The following SMAD4 variants were observed in gnomAD, a reference collection of about 807,000 sequenced individuals.
The protein encoded by SMAD4 is MAD homolog 4.
Under a neutral mutation model 63.2 loss-of-function variants are expected in SMAD4, and 7 were observed. The observed-to-expected ratio is 0.11, with a 90% CI of 0.06 to 0.21. The LOEUF (loss-of-function observed/expected upper bound fraction) is 0.21, where lower values mean the gene tolerates loss of function less well. Among genes scored for constraint, SMAD4 ranks in the 10% least tolerant of loss-of-function variants. The pLI, the probability that SMAD4 is intolerant of heterozygous loss-of-function variation, is 1.00. For missense variants in SMAD4, 312 were observed against 693.8 expected, an observed-to-expected ratio of 0.45 and a Z score of 6.18; for synonymous variants, 215 against 235.4, an observed-to-expected ratio of 0.91 and a Z score of 0.79.
Position 51,037,921 on chromosome 18 carries a change from A to G in SMAD4, c.-128+7298A>G, listed in dbSNP as rs535482992. ...AGATTTTTGGGAAACTCCTGTCACT[A>G]TGACTTGCCAGTTTCTTAATACTTA... On this transcript the variant is annotated intron_variant, in intron 1 of 11. Transcript: ENST00000342988. Among the ~76,000 whole-genome samples, 8 of 152,270 alleles carry G rather than the reference A, an allele frequency of 5.3e-5. No individual in the cohort carries two copies. The East Asian group carries it at 1.5e-3, about 29-fold the overall frequency.
rs142181468 is a variant in SMAD4, at chr18:51,034,787, C to T, written c.-128+4164C>T. On this transcript the variant is annotated intron_variant, in intron 1 of 11. Transcript: ENST00000342988. Reference sequence around the variant, plus strand: ...TCTTGAACTCTTGGGTTCAAGTGATCGTCCCACCTCGACCTCCCAAAGTGC... The same window carrying T: ...TCTTGAACTCTTGGGTTCAAGTGATTGTCCCACCTCGACCTCCCAAAGTGC... Among the ~76,000 whole-genome samples the T allele has an allele frequency of 3.5e-3, 526 of 152,114 alleles. 6 individuals are homozygous for T. In the East Asian group the frequency reaches 0.041, roughly 12 times the overall value.
intron 3 of SMAD4, 58 bp from the exon 4 acceptor site, chr18:51,049,236 GA>G: frequency 7.9e-7 from 1 of 1,263,262 alleles, no homozygotes; most frequent in Non-Finnish European, 1.2e-6. Context: ...TTTTTAAATG[GA>G]AAATACTTTC....
At chr18:51,068,078 C>G (rs1251751523) in intron 10 of SMAD4, among the ~76,000 whole-genome samples, 1 of 152,148 alleles carries the variant, frequency 6.6e-6, no homozygotes, top group East Asian at 1.9e-4. Context: ...TGTCTCATAA[C>G]TTATTACCAG....
chr18:51,039,553 C>T (rs949111187), intron 1 of SMAD4, among the ~76,000 whole-genome samples: 1 of 138,062 alleles, frequency 7.2e-6, no homozygotes, highest in East Asian at 2.3e-4. Flanking sequence ...ACTTGCCTGC[C>T]TTGCGTTCTT....
intron 10 of SMAD4, among the ~76,000 whole-genome samples, chr18:51,069,667 A>G (rs1040955851): frequency 8.5e-5 from 13 of 152,170 alleles, no homozygotes; most frequent in African/African-American, 2.7e-4. Flanking sequence ...TTCTGCAGGT[A>G]TGCTTGGGGC....
intron 10 of SMAD4, among the ~76,000 whole-genome samples, chr18:51,073,484 G>A (rs1197036819): frequency 6.9e-6 from 1 of 143,932 alleles, no homozygotes; most frequent in African/African-American, 2.6e-5. Flanking sequence ...AGACCTAAAT[G>A]TAAAACACAA....
chr18:51,074,212 C>CAAAAA (rs533055652), intron 10 of SMAD4, among the ~76,000 whole-genome samples: 1 of 88,116 alleles, frequency 1.1e-5, no homozygotes, highest in African/African-American at 4.3e-5. Flanking sequence ...TCATCTCTAC[C>CAAAAA]AAAAAAAAAA....
Position 51,079,046 on chromosome 18 carries a change from G to T in SMAD4, c.*579G>T, listed in dbSNP as rs1013268028. 2 of 233,212 alleles carry T rather than the reference G, an allele frequency of 8.6e-6. No individual in the cohort carries two copies. The highest frequency in any genetic ancestry group is 1.7e-5 in the Non-Finnish European group (2 of 117,966). 14.4% of individuals were successfully genotyped at this position (233,212 alleles called of 1,614,324 possible). A position where few individuals can be genotyped will look rare whatever the true frequency, so the allele number is the denominator to read the frequency against. Reference sequence around the variant, plus strand: ...ATTTTTTGCAAGTTATATTAGTGAAGATGGTTTCAATTCAGATTGTCTTGC... The same window carrying T: ...ATTTTTTGCAAGTTATATTAGTGAATATGGTTTCAATTCAGATTGTCTTGC... On this transcript the variant is annotated 3_prime_UTR_variant, in exon 12 of 12. Coordinates refer to ENST00000342988, the MANE Select transcript of SMAD4 (RefSeq NM_005359.6).
intron 1 of SMAD4, among the ~76,000 whole-genome samples, chr18:51,043,762 G>A (rs1413092422): frequency 2.0e-5 from 3 of 152,228 alleles, no homozygotes; most frequent in Admixed American, 1.3e-4. Context: ...TTGATGGTGA[G>A]ATTGTGGTGA....
At chr18:51,031,518 G>C (rs1368249843) in intron 1 of SMAD4, among the ~76,000 whole-genome samples, 3 of 152,116 alleles carry the variant, frequency 2.0e-5, no homozygotes, top group Non-Finnish European at 4.4e-5. Context: ...CGTAGTTTAA[G>C]GTGGAATTGC....
chr18:51,071,331 C>G (rs1159617103), intron 10 of SMAD4, among the ~76,000 whole-genome samples: 1 of 152,054 alleles, frequency 6.6e-6, no homozygotes, highest in East Asian at 1.9e-4. Flanking sequence ...GGAAAACACA[C>G]TTGGAGAGCC....
chr18:51,060,869 A>G (rs1909992437), intron 8 of SMAD4, among the ~76,000 whole-genome samples: 1 of 152,018 alleles, frequency 6.6e-6, no homozygotes, highest in Admixed American at 6.6e-5. Flanking sequence ...CCTGGGCTAA[A>G]GCAGTCCTCC....
At chr18:51,076,613 A>C in intron 10 of SMAD4, 25 bp from the exon 11 acceptor site, 4 of 1,607,378 alleles carry the variant, frequency 2.5e-6, no homozygotes, top group Non-Finnish European at 3.4e-6. Flanking sequence ...ATGAACTCAT[A>C]GTATGAAATG....
chr18:51,057,350 GT>G, intron 5 of SMAD4, among the ~76,000 whole-genome samples: 1 of 152,232 alleles, frequency 6.6e-6, no homozygotes, highest in East Asian at 1.9e-4. Context: ...ATGTAGGACA[GT>G]AAGCAATATC....
At position 51,047,196 on chromosome 18, in the gene SMAD4, A is replaced by G. The variant is rs749503989; in HGVS notation, c.150A>G (p.Lys50=). 10 of 1,613,978 alleles carry G rather than the reference A, an allele frequency of 6.2e-6. No homozygotes were observed. The highest frequency in any genetic ancestry group is 3.3e-5 in the South Asian group (3 of 91,090). ...GTTTGGTAAAGAAGCTGAAGGAGAAAAAAGATGAATTGGATTCTTTAATAA... is the reference window on the plus strand; with the variant it reads ...GTTTGGTAAAGAAGCTGAAGGAGAAGAAAGATGAATTGGATTCTTTAATAA... ...IESLVKKLKE[K]KDELDSLITA... is the part of the protein sequence containing the mutation. Residue 50 remains lysine (K), a synonymous_variant, in exon 2 of 12, where the codon AAA becomes AAG. Coordinates refer to ENST00000342988, the MANE Select transcript of SMAD4 (RefSeq NM_005359.6).
In SMAD4 at chr18:51,071,371, G is replaced by A. The variant is rs141381077; in HGVS notation, c.1308+4184G>A. On this transcript the variant is annotated intron_variant, in intron 10 of 11. Coordinates refer to ENST00000342988, the MANE Select transcript of SMAD4 (RefSeq NM_005359.6). ...TTTCATTTTATAAGCCAAGAAGCTA[G>A]GACTAAATTGTGGTTTTTTTCACCC... is the stretch of plus-strand genomic sequence containing the variant. 1.3e-4 allele frequency among the ~76,000 whole-genome samples: 20 copies of A among 152,126 alleles called. No homozygotes were observed. In the East Asian group the frequency reaches 3.3e-3, roughly 25 times the overall value.
intron 1 of SMAD4, among the ~76,000 whole-genome samples, chr18:51,034,073 G>A (rs1909129447): frequency 1.3e-5 from 2 of 152,030 alleles, no homozygotes; most frequent in African/African-American, 4.8e-5. Flanking sequence ...CCCAAAGACT[G>A]TATTTCATTA....
At chr18:51,055,116 A>G in intron 5 of SMAD4, 123 bp downstream of exon 5, 3 of 763,586 alleles carry the variant, frequency 3.9e-6, no homozygotes, top group Non-Finnish European at 7.0e-6. Flanking sequence ...AGTATCTTTC[A>G]TAGGTAAACA....
In SMAD4 at chr18:51,079,975, T is replaced by A. The variant is rs1910570551; in HGVS notation, c.*1508T>A. 4.3e-6 allele frequency: 1 copy of A among 232,022 alleles called. No individual in the cohort carries two copies. Among genetic ancestry groups the A allele is most frequent in the Non-Finnish European group, 8.5e-6 (1 of 117,480 alleles). 14.4% of individuals were successfully genotyped at this position (232,022 alleles called of 1,614,324 possible). A position where few individuals can be genotyped will look rare whatever the true frequency, so the allele number is the denominator to read the frequency against. On this transcript the variant is annotated 3_prime_UTR_variant, in exon 12 of 12. Coordinates refer to ENST00000342988, the MANE Select transcript of SMAD4 (RefSeq NM_005359.6). ...TCATGTGTAGAGTTGGTTTTTTTTT[T>A]TTTTAATTTTTATTTTACTATAGCA...
Sources: gnomAD v4.1 joint callset for allele counts (sites outside exome capture counted in the v4.1 genomes callset) on GRCh38, gnomAD v4.1.1 for gene constraint, MANE v1.5 for transcripts, NCBI Gene and HGNC (gene_info 2026-07-23, HGNC 2026-07-21) for gene names.